Variants in FAM163A observed in about 807,000 individuals in gnomAD.
FAM163A encodes the protein protein FAM163A.
In FAM163A, 7 loss-of-function variants were observed where a neutral mutation model predicts 12.0. The ratio of observed to expected loss-of-function variants is 0.58; its 90% CI spans 0.33 to 1.10. The LOEUF (loss-of-function observed/expected upper bound fraction) is 1.10. FAM163A is among the 50% of genes least tolerant of loss of function. The pLI is 0.03. For missense variants in FAM163A, 202 were observed against 218.6 expected (o/e 0.92, Z 0.48); for synonymous variants, 101 against 91.0 (o/e 1.11, Z -0.62).
At chr1:179,755,500 G>C (rs892277266) in intron 1 of FAM163A, among the ~76,000 whole-genome samples, 1 of 152,150 alleles carries the variant, frequency 6.6e-6, no homozygotes, top group South Asian at 2.1e-4. Context: ...TGATGAAGGG[G>C]AAACAAATGC....
chr1:179,740,172 TTTGTTG>T (rs58589037), upstream of FAM163A, among the ~76,000 whole-genome samples: 16 of 151,040 alleles, frequency 1.1e-4, no homozygotes, highest in Middle Eastern at 6.8e-3. Flanking sequence ...TTATTTGGTT[TTTGTTG>T]TTGTTGTTGT....
intron 1 of FAM163A, among the ~76,000 whole-genome samples, chr1:179,805,889 C>T (rs979537445): frequency 1.3e-5 from 2 of 152,234 alleles, no homozygotes; most frequent in Non-Finnish European, 2.9e-5. Context: ...CCTTCACCCA[C>T]TCAAGCACTG....
chr1:179,778,437 C>T (rs188485689), intron 1 of FAM163A, among the ~76,000 whole-genome samples: 5 of 152,186 alleles, frequency 3.3e-5, no homozygotes, highest in East Asian at 3.9e-4. Context: ...GGGGTGATCC[C>T]GAGCCACTAG....
At chr1:179,806,044 C>T (rs1347381986) in intron 1 of FAM163A, among the ~76,000 whole-genome samples, 2 of 152,168 alleles carry the variant, frequency 1.3e-5, no homozygotes, top group Non-Finnish European at 2.9e-5. Flanking sequence ...AGCTCTCCTC[C>T]CTTGGGATAC....
intron 1 of FAM163A, among the ~76,000 whole-genome samples, chr1:179,763,568 C>G (rs1479339256): frequency 2.0e-5 from 3 of 152,324 alleles, no homozygotes; most frequent in African/African-American, 7.2e-5. Flanking sequence ...CTTTTTCCTA[C>G]TTTCCTGCTC....
At chr1:179,740,224 G>C (rs1683472331), upstream of FAM163A, among the ~76,000 whole-genome samples, 1 of 152,112 alleles carries the variant, frequency 6.6e-6, no homozygotes, top group African/African-American at 2.4e-5. Flanking sequence ...GTTCTCCCAA[G>C]CTGAAGTGCG....
intron 1 of FAM163A, among the ~76,000 whole-genome samples, chr1:179,762,138 A>C (rs1330389194): frequency 6.6e-6 from 1 of 152,246 alleles, no homozygotes; most frequent in Non-Finnish European, 1.5e-5. Flanking sequence ...GGATGAATGG[A>C]CAAAAGAAAG....
chr1:179,793,028 C>T (rs556163541), intron 1 of FAM163A, among the ~76,000 whole-genome samples: 1 of 151,620 alleles, frequency 6.6e-6, no homozygotes, highest in Non-Finnish European at 1.5e-5. Context: ...AAAAAAAAGG[C>T]ATGGAATCAT....
At chr1:179,752,514 G>A (rs1190625026) in intron 1 of FAM163A, among the ~76,000 whole-genome samples, 1 of 150,270 alleles carries the variant, frequency 6.7e-6, no homozygotes, top group Non-Finnish European at 1.5e-5. Context: ...TGAAAAGGCA[G>A]CCTATGGGAT....
upstream of FAM163A, among the ~76,000 whole-genome samples, chr1:179,742,863 T>C (rs2147930061): frequency 6.6e-6 from 1 of 152,138 alleles, no homozygotes; most frequent in South Asian, 2.1e-4. Context: ...CATCCAGGTG[T>C]CCCTGGATTT....
chr1:179,800,845 A>G (rs1383135692), intron 1 of FAM163A, among the ~76,000 whole-genome samples: 1 of 152,218 alleles, frequency 6.6e-6, no homozygotes, highest in Non-Finnish European at 1.5e-5. Context: ...TGTTCTGAGC[A>G]GCCCATCAAG....
the FAM163A span, among the ~76,000 whole-genome samples, chr1:179,728,229 C>G: frequency 6.6e-6 from 1 of 152,260 alleles, no homozygotes; most frequent in African/African-American, 2.4e-5. Context: ...TGTTTTCAAA[C>G]TGTGATTATC....
intron 1 of FAM163A, among the ~76,000 whole-genome samples, chr1:179,797,915 T>C (rs988223993): frequency 1.3e-5 from 2 of 152,050 alleles, no homozygotes; most frequent in Admixed American, 6.6e-5. Context: ...GACTTGAGCA[T>C]GTGTGTGTAT....
chr1:179,790,218 C>CTTTTTTT (rs1168192716), intron 1 of FAM163A, among the ~76,000 whole-genome samples: 3 of 91,668 alleles, frequency 3.3e-5, no homozygotes, highest in Non-Finnish European at 6.2e-5. Context: ...AGCTGACTTC[C>CTTTTTTT]TTTTTTTTTT....
intron 1 of FAM163A, among the ~76,000 whole-genome samples, chr1:179,805,512 C>G (rs919564081): frequency 4.7e-5 from 7 of 150,394 alleles, no homozygotes; most frequent in Non-Finnish European, 8.9e-5. Flanking sequence ...CTCCAGCCTG[C>G]GCAACAGAGC....
chr1:179,761,192 G>A (rs1410782865), intron 1 of FAM163A, among the ~76,000 whole-genome samples: 2 of 152,222 alleles, frequency 1.3e-5, no homozygotes, highest in East Asian at 3.8e-4. Context: ...GTGTATGAGG[G>A]TATCGCAAAA....
chr1:179,735,774 A>G, the FAM163A span, among the ~76,000 whole-genome samples: 1 of 152,144 alleles, frequency 6.6e-6, no homozygotes, highest in African/African-American at 2.4e-5. Flanking sequence ...AAGTGCTGGG[A>G]TAACAGGCGT....
intron 1 of FAM163A, among the ~76,000 whole-genome samples, chr1:179,796,423 T>C (rs1401943786): frequency 6.6e-6 from 1 of 152,256 alleles, no homozygotes. Context: ...AAAATGTTTA[T>C]TGAAGATTTG....
At chr1:179,784,334 T>G (rs1032062921) in intron 1 of FAM163A, among the ~76,000 whole-genome samples, 1 of 152,232 alleles carries the variant, frequency 6.6e-6, no homozygotes, top group Admixed American at 6.5e-5. Context: ...AAAGCCACGC[T>G]GTGTAAGTTC....
Sources: allele counts gnomAD v4.1 joint callset (sites outside exome capture counted in the v4.1 genomes callset), GRCh38; gene constraint gnomAD v4.1.1; transcripts MANE v1.5; gene names NCBI Gene and HGNC (gene_info 2026-07-23, HGNC 2026-07-21).